The following OSBPL3 variants were observed in gnomAD, a reference collection of about 807,000 sequenced individuals.
OSBPL3 encodes the protein oxysterol-binding protein-related protein 3.
In OSBPL3, 65 loss-of-function variants were observed where a neutral mutation model predicts 120.1. That is an observed-to-expected ratio of 0.54 (90% confidence interval 0.44 to 0.67). The LOEUF is 0.67. OSBPL3 is among the 30% of genes least tolerant of loss of function. The probability of loss-of-function intolerance (pLI) is 0.00; values close to 1 mark genes in which losing one functional copy is unlikely to be tolerated. For synonymous variants in OSBPL3, 416 were observed against 402.6 expected (o/e 1.03, Z -0.40); for missense variants, 1,004 against 1,082.1 (o/e 0.93, Z 1.01).
In OSBPL3 at chr7:24,972,600, A is replaced by T. The variant is rs1817150203; in HGVS notation, c.-150+7286T>A. On this transcript the variant is annotated intron_variant, in intron 1 of 22. Coordinates refer to ENST00000313367, the MANE Select transcript of OSBPL3 (RefSeq NM_015550.4). This position sits in a 1 kb window ranked among gnomAD's most constrained non-coding sequence, Gnocchi z 4.3. ...CCCAGCCTGGTGTCTGGCACATGGC[A>T]TGTGCTTAATAAATATTTGTGAAAC... Among the ~76,000 whole-genome samples, 1 of 152,248 alleles carries T rather than the reference A, an allele frequency of 6.6e-6. No individual in the cohort carries two copies. Among genetic ancestry groups the T allele is most frequent in the South Asian group, 2.1e-4 (1 of 4,830 alleles).
rs1328138390 is a variant in OSBPL3 at position 24,854,380 on chromosome 7, A to G, written c.1028-1746T>C. The stretch of plus-strand genomic sequence containing the variant: ...TAGGCATTATTGACTTACTTCATTT[A>G]ATAGCAAGGAGGACAACTAAACCTC... On this transcript the variant is annotated intron_variant, in intron 10 of 22. Coordinates refer to ENST00000313367, the MANE Select transcript of OSBPL3 (RefSeq NM_015550.4). This position sits in a 1 kb window ranked among gnomAD's most constrained non-coding sequence, Gnocchi z 4.1. 3.9e-5 allele frequency among the ~76,000 whole-genome samples: 6 copies of G among 152,118 alleles called. No individual in the cohort carries two copies. The highest frequency in any genetic ancestry group is 2.6e-4 in the Admixed American group (4 of 15,264).
In OSBPL3 at chr7:24,899,341, T is replaced by C. The variant is rs960419815; in HGVS notation, c.-149-6720A>G. On this transcript the variant is annotated intron_variant, in intron 1 of 22. Transcript: ENST00000313367. This position sits in a 1 kb window ranked among gnomAD's most constrained non-coding sequence, Gnocchi z 4.0. ...TTAGCTTTGGGGGAACTTGCATCTCTTTCCAGTTCTCAGTGTTCTTACTGG... is the reference window on the plus strand; with the variant it reads ...TTAGCTTTGGGGGAACTTGCATCTCCTTCCAGTTCTCAGTGTTCTTACTGG... 6.6e-6 allele frequency among the ~76,000 whole-genome samples: 1 copy of C among 152,234 alleles called. No individual in the cohort carries two copies. Among genetic ancestry groups the C allele is most frequent in the Non-Finnish European group, 1.5e-5 (1 of 68,040 alleles).
chr7:24,979,764 C>G (rs982719023), intron 1 of OSBPL3, 122 bp downstream of exon 1: 1 of 503,404 alleles, frequency 2.0e-6, no homozygotes, highest in Non-Finnish European at 2.6e-6. Context: ...CCGGGCGACT[C>G]GGACAGACCC....
At chr7:24,886,397 C>T (rs1175137497) in intron 2 of OSBPL3, among the ~76,000 whole-genome samples, 1 of 152,178 alleles carries the variant, frequency 6.6e-6, no homozygotes, top group African/African-American at 2.4e-5. Flanking sequence ...TTTATGGATG[C>T]CATCATTTGC....
chr7:24,880,910 TA>T (rs1486793250), intron 2 of OSBPL3, among the ~76,000 whole-genome samples: 2 of 152,040 alleles, frequency 1.3e-5, no homozygotes, highest in African/African-American at 4.8e-5. Context: ...TATTTTAATT[TA>T]AAAAAAACCT....
Position 24,803,017 on chromosome 7 carries a change from T to C in OSBPL3, c.2567+1298A>G, listed in dbSNP as rs899756418. 6.6e-6 allele frequency among the ~76,000 whole-genome samples: 1 copy of C among 152,224 alleles called. No individual in the cohort carries two copies. The highest frequency in any genetic ancestry group is 1.5e-5 in the Non-Finnish European group (1 of 68,046). The stretch of plus-strand genomic sequence containing the variant: ...GTGGAAATGATCAGAAGGGATCTAG[T>C]AGAATCTACATCAACTTTAGGGAAA... On this transcript the variant is annotated intron_variant, in intron 22 of 22. Coordinates refer to ENST00000313367, the MANE Select transcript of OSBPL3 (RefSeq NM_015550.4). The surrounding 1 kb of genome is among the most constrained non-coding windows in gnomAD (Gnocchi z 4.2).
intron 12 of OSBPL3, among the ~76,000 whole-genome samples, chr7:24,845,938 C>T (rs894541647): frequency 1.3e-5 from 2 of 152,088 alleles, no homozygotes; most frequent in Non-Finnish European, 2.9e-5. Context: ...ATGGCTTGAG[C>T]CCAAGAGTTC....
chr7:24,806,949 G>T lies in OSBPL3; in HGVS notation c.2318-47C>A. ...CACCCCTAACTTGCATGTTACTTAT[G>T]TTACATTTTAATTCCTTCACCTTTT... On this transcript the variant is annotated intron_variant, in intron 20 of 22. Coordinates refer to ENST00000313367, the MANE Select transcript of OSBPL3 (RefSeq NM_015550.4). This position sits in a 1 kb window ranked among gnomAD's most constrained non-coding sequence, Gnocchi z 5.2. 3.9e-6 allele frequency: 6 copies of T among 1,520,340 alleles called. No homozygotes were observed. The highest frequency in any genetic ancestry group is 2.4e-5 in the East Asian group (1 of 42,164). The allele number at this position is 1,520,340 out of a possible 1,614,324, so 94.2% of individuals were successfully genotyped here.
rs1206851480 is a variant in OSBPL3 at position 24,822,226 on chromosome 7, T to C, written c.1885-1988A>G. On this transcript the variant is annotated intron_variant, in intron 16 of 22. Transcript: ENST00000313367. The surrounding 1 kb of genome is among the most constrained non-coding windows in gnomAD (Gnocchi z 5.8). The stretch of plus-strand genomic sequence containing the variant: ...GGAGATACCTTATATTAAAAAATGC[T>C]ACATTCTTCTCCTTTTCTTCACTAG... Among the ~76,000 whole-genome samples the C allele has an allele frequency of 6.6e-6, 1 of 152,202 alleles. No homozygotes were observed. The highest frequency in any genetic ancestry group is 2.4e-5 in the African/African-American group (1 of 41,458).
intron 1 of OSBPL3, among the ~76,000 whole-genome samples, chr7:24,927,845 G>A (rs1397684578): frequency 6.6e-6 from 1 of 152,106 alleles, no homozygotes; most frequent in East Asian, 1.9e-4. Context: ...GAAAAAAAAT[G>A]CTTCTTGAGG....
intron 10 of OSBPL3, among the ~76,000 whole-genome samples, chr7:24,857,328 T>C (rs554713977): frequency 1.3e-5 from 2 of 152,344 alleles, no homozygotes; most frequent in Non-Finnish European, 2.9e-5. Context: ...TCCGCTTCCA[T>C]TCAGAACACC....
Position 24,817,113 on chromosome 7 carries a change from A to C in OSBPL3, c.1949-425T>G, listed in dbSNP as rs2128132848. On this transcript the variant is annotated intron_variant, in intron 17 of 22. Coordinates refer to ENST00000313367, the MANE Select transcript of OSBPL3 (RefSeq NM_015550.4). This position sits in a 1 kb window ranked among gnomAD's most constrained non-coding sequence, Gnocchi z 4.0. ...CACTGGGCAGAGAAAAAGCAATTTA[A>C]GGCCAAATAAATAGCTTGTCTGAGG... 6.6e-6 allele frequency among the ~76,000 whole-genome samples: 1 copy of C among 152,340 alleles called. No individual in the cohort carries two copies. The highest frequency in any genetic ancestry group is 1.9e-4 in the East Asian group (1 of 5,186).
chr7:24,839,390 A>G (rs1797412426), intron 14 of OSBPL3, among the ~76,000 whole-genome samples: 1 of 152,208 alleles, frequency 6.6e-6, no homozygotes, highest in African/African-American at 2.4e-5. Context: ...GGGGCTAGCC[A>G]GACACTCCAG....
rs1796876614 is a variant in OSBPL3, at chr7:24,835,393, A to C, written c.1496-657T>G. 6.6e-6 allele frequency among the ~76,000 whole-genome samples: 1 copy of C among 152,168 alleles called. No homozygotes were observed. The highest frequency in any genetic ancestry group is 2.4e-5 in the African/African-American group (1 of 41,448). On this transcript the variant is annotated intron_variant, in intron 14 of 22. Coordinates refer to ENST00000313367, the MANE Select transcript of OSBPL3 (RefSeq NM_015550.4). The surrounding 1 kb of genome is among the most constrained non-coding windows in gnomAD (Gnocchi z 4.8). ...ATCATCTCATACCAATCAGAATAGC[A>C]ATTACTAAAAAGTCAAAAAATAACA...
chr7:24,820,625 T>G lies in OSBPL3; in HGVS notation c.1885-387A>C, dbSNP rs1003694172. 6.6e-6 allele frequency among the ~76,000 whole-genome samples: 1 copy of G among 152,230 alleles called. No individual in the cohort carries two copies. The highest frequency in any genetic ancestry group is 2.4e-5 in the African/African-American group (1 of 41,466). The stretch of plus-strand genomic sequence containing the variant: ...CAATGTCAACATCTCTTATTAGCTG[T>G]TCTGAAAGTAGCTGCAGATGTTTTA... On this transcript the variant is annotated intron_variant, in intron 16 of 22. Coordinates refer to ENST00000313367, the MANE Select transcript of OSBPL3 (RefSeq NM_015550.4). The surrounding 1 kb of genome is among the most constrained non-coding windows in gnomAD (Gnocchi z 4.6).
rs886305565 is a variant in OSBPL3 at position 24,797,676 on chromosome 7, A to C, written c.*2507T>G. On this transcript the variant is annotated 3_prime_UTR_variant, in exon 23 of 23. Transcript: ENST00000313367. This position sits in a 1 kb window ranked among gnomAD's most constrained non-coding sequence, Gnocchi z 4.8. Reference sequence around the variant, plus strand: ...TGAAGTGCAGGGTGGTTACCTGCACAAAGTCCCATTTCCAAAAATTTCTGT... The same window carrying C: ...TGAAGTGCAGGGTGGTTACCTGCACCAAGTCCCATTTCCAAAAATTTCTGT... 6.6e-6 allele frequency: 1 copy of C among 152,132 alleles called. No homozygotes were observed. The highest frequency in any genetic ancestry group is 2.1e-4 in the South Asian group (1 of 4,818). 9.4% of individuals were successfully genotyped at this position (152,132 alleles called of 1,614,324 possible). A position where few individuals can be genotyped will look rare whatever the true frequency, so the allele number is the denominator to read the frequency against.
In OSBPL3 at chr7:24,865,885, A is replaced by C. The variant is rs80055518; in HGVS notation, c.549+185T>G. Among the ~76,000 whole-genome samples, 7,911 of 152,158 alleles carry C rather than the reference A, an allele frequency of 0.052. 488 individuals carry two copies. The highest frequency in any genetic ancestry group is 0.28 in the East Asian group (1,447 of 5,168). On this transcript the variant is annotated intron_variant, in intron 6 of 22. Transcript: ENST00000313367. ...TCAGTCACTGTCCGCCCCCGCCCCA[A>C]CTAATAGATGCTTGTCTGGTCTTGG...
intron 2 of OSBPL3, among the ~76,000 whole-genome samples, chr7:24,887,315 C>T (rs1445592943): frequency 1.3e-5 from 2 of 152,116 alleles, no homozygotes; most frequent in Non-Finnish European, 2.9e-5. Context: ...AAGTAGATTC[C>T]TCTATGGTGA....
At position 24,801,475 on chromosome 7, in the gene OSBPL3, G is replaced by A. The variant is rs77687285; in HGVS notation, c.2568-1196C>T. ...TCTTTCAGGGAAATTCCGTGTGTGT[G>A]TGTGTGAACACACACTCTATTCCCT... On this transcript the variant is annotated intron_variant, in intron 22 of 22. Transcript: ENST00000313367. Among the ~76,000 whole-genome samples the A allele has an allele frequency of 8.3e-3, 1,265 of 152,258 alleles. 33 individuals carry two copies. Among genetic ancestry groups the A allele is most frequent in the Admixed American group, 0.042 (641 of 15,292 alleles).
Sources: gnomAD v4.1 joint callset for allele counts (sites outside exome capture counted in the v4.1 genomes callset) on GRCh38, gnomAD v4.1.1 for gene constraint, Gnocchi (gnomAD v3.1) non-coding constraint, MANE v1.5 for transcripts, NCBI Gene and HGNC (gene_info 2026-07-23, HGNC 2026-07-21) for gene names.